The following FSTL5 variants were observed in gnomAD, a reference collection of about 807,000 sequenced individuals.
FSTL5 encodes follistatin like 5.
Under a neutral mutation model 89.1 loss-of-function variants are expected in FSTL5, and 62 were observed. That is an observed-to-expected ratio of 0.70 (90% confidence interval 0.57 to 0.86). FSTL5 has a LOEUF of 0.86. Among genes scored for constraint, FSTL5 ranks in the 40% least tolerant of loss-of-function variants. The pLI is 0.00. For missense variants in FSTL5, 1,057 were observed against 1,001.6 expected (o/e 1.06, Z -0.75); for synonymous variants, 383 against 346.2 (o/e 1.11, Z -1.18).
At position 162,066,358 on chromosome 4, in the gene FSTL5, T is replaced by C. The variant is rs1275431418; in HGVS notation, c.127-32700A>G. Among the ~76,000 whole-genome samples, 210 of 136,218 alleles carry C rather than the reference T, an allele frequency of 1.5e-3. 1 individual carries two copies. The highest frequency in any genetic ancestry group is 5.3e-3 in the African/African-American group (196 of 36,674). 89.4% of individuals were successfully genotyped at this position (136,218 alleles called of 152,430 possible). A position where few individuals can be genotyped will look rare whatever the true frequency, so the allele number is the denominator to read the frequency against. On this transcript the variant is annotated intron_variant, in intron 2 of 15. Coordinates refer to ENST00000306100, the MANE Select transcript of FSTL5 (RefSeq NM_020116.5). ...TTCTTCTTCTTCTTCTTCTTCTCCT[T>C]CTTCTTCTTCTTCTCCTTCTTCTTC... is the stretch of plus-strand genomic sequence containing the variant.
At chr4:161,907,883 C>T (rs186755202) in intron 4 of FSTL5, among the ~76,000 whole-genome samples, 4 of 152,174 alleles carry the variant, frequency 2.6e-5, no homozygotes, top group Non-Finnish European at 5.9e-5. Context: ...ACATTTGCTG[C>T]TATATATGGT....
intron 5 of FSTL5, among the ~76,000 whole-genome samples, chr4:161,770,097 G>A (rs1741156290): frequency 6.6e-6 from 1 of 151,982 alleles, no homozygotes; most frequent in African/African-American, 2.4e-5. Flanking sequence ...TATGTTACAT[G>A]AAATAAGCCA....
Position 161,482,273 on chromosome 4 carries a change from G to A in FSTL5, c.1459-1104C>T, listed in dbSNP as rs566583717. 1.4e-3 allele frequency among the ~76,000 whole-genome samples: 206 copies of A among 152,062 alleles called. 1 individual carries two copies. Among genetic ancestry groups the A allele is most frequent in the African/African-American group, 4.5e-3 (185 of 41,442 alleles). ...AGATCTTGCAGTGAGCCAAGATCGC[G>A]CCACTGCACTCCAGCCTGGGTGACA... On this transcript the variant is annotated intron_variant, in intron 12 of 15. Coordinates refer to ENST00000306100, the MANE Select transcript of FSTL5 (RefSeq NM_020116.5).
chr4:161,514,828 T>C (rs17041150), intron 10 of FSTL5, among the ~76,000 whole-genome samples: 26,869 of 152,016 alleles, frequency 0.18, 2,646 homozygotes, highest in East Asian at 0.37. Context: ...AGATCAATTA[T>C]TTAGCAAGCT....
chr4:162,032,780 A>AT (rs1462948547), intron 3 of FSTL5: 1 of 152,106 alleles, frequency 6.6e-6, no homozygotes, highest in African/African-American at 2.4e-5. Context: ...CTTCATATTT[A>AT]TTTTTTAATT....
chr4:161,514,626 A>G (rs1165136625), intron 10 of FSTL5, among the ~76,000 whole-genome samples: 1 of 152,200 alleles, frequency 6.6e-6, no homozygotes, highest in Non-Finnish European at 1.5e-5. Flanking sequence ...AATTTTTTAA[A>G]TAGATAAATA....
chr4:161,829,139 TTATATA>T (rs56839306), intron 4 of FSTL5, among the ~76,000 whole-genome samples: 86 of 139,926 alleles, frequency 6.1e-4, no homozygotes, highest in African/African-American at 2.1e-3. Context: ...CAGTCACATT[TTATATA>T]TATATATATA....
intron 15 of FSTL5, among the ~76,000 whole-genome samples, chr4:161,397,046 CTG>C (rs760652308): frequency 6.6e-6 from 1 of 152,052 alleles, no homozygotes; most frequent in African/African-American, 2.4e-5. Context: ...AGTGTAGAAA[CTG>C]TGCAGGTGAA....
chr4:161,783,661 TTC>T (rs1192454136), intron 4 of FSTL5, among the ~76,000 whole-genome samples: 2 of 68,152 alleles, frequency 2.9e-5, no homozygotes, highest in Non-Finnish European at 6.4e-5. Flanking sequence ...CTTTCTTTCT[TTC>T]TCTTTCTTTC....
chr4:162,035,784 T>A (rs907581180), intron 2 of FSTL5, among the ~76,000 whole-genome samples: 1 of 152,090 alleles, frequency 6.6e-6, no homozygotes, highest in African/African-American at 2.4e-5. Flanking sequence ...TTGCAGTAAT[T>A]CAGGTGGGCT....
intron 8 of FSTL5, among the ~76,000 whole-genome samples, chr4:161,581,163 T>C (rs1257258697): frequency 6.6e-6 from 1 of 152,210 alleles, no homozygotes; most frequent in African/African-American, 2.4e-5. Flanking sequence ...TTCTCAAAGC[T>C]TATCTCCAGA....
intron 4 of FSTL5, among the ~76,000 whole-genome samples, chr4:161,788,746 A>G (rs890028939): frequency 2.2e-4 from 34 of 152,216 alleles, no homozygotes; most frequent in African/African-American, 7.9e-4. Flanking sequence ...ATATTTTAAA[A>G]AATTAGCTGA....
chr4:161,522,142 T>C (rs551288429), intron 10 of FSTL5, among the ~76,000 whole-genome samples: 1 of 152,120 alleles, frequency 6.6e-6, no homozygotes, highest in Non-Finnish European at 1.5e-5. Flanking sequence ...CTTCCTTCCA[T>C]TGTCAACACT....
chr4:161,865,630 CT>C (rs1732060008), intron 4 of FSTL5, among the ~76,000 whole-genome samples: 1 of 152,068 alleles, frequency 6.6e-6, no homozygotes, highest in South Asian at 2.1e-4. Context: ...TCAAGATTTG[CT>C]TTCTTTACAG....
chr4:161,541,999 A>T (rs1731833657), intron 9 of FSTL5, among the ~76,000 whole-genome samples: 1 of 151,946 alleles, frequency 6.6e-6, no homozygotes, highest in Non-Finnish European at 1.5e-5. Context: ...ACATTAGAAG[A>T]TTAGAATATG....
chr4:161,631,005 T>A (rs1388630086), intron 7 of FSTL5, among the ~76,000 whole-genome samples: 1 of 152,208 alleles, frequency 6.6e-6, no homozygotes, highest in Non-Finnish European at 1.5e-5. Flanking sequence ...TGATAAATAA[T>A]CAAGCAAAAT....
At chr4:161,603,647 TA>T (rs1010688363) in intron 7 of FSTL5, among the ~76,000 whole-genome samples, 1 of 151,974 alleles carries the variant, frequency 6.6e-6, no homozygotes, top group African/African-American at 2.4e-5. Flanking sequence ...TTTGTTTTTT[TA>T]AAATATTTTT....
intron 7 of FSTL5, among the ~76,000 whole-genome samples, chr4:161,635,098 A>G (rs561500063): frequency 2.5e-4 from 38 of 152,260 alleles, no homozygotes; most frequent in African/African-American, 8.9e-4. Flanking sequence ...CCTAAAAATC[A>G]TATCTACTGG....
At chr4:161,828,587 AAT>A (rs1730740984) in intron 4 of FSTL5, among the ~76,000 whole-genome samples, 1 of 152,102 alleles carries the variant, frequency 6.6e-6, no homozygotes, top group South Asian at 2.1e-4. Flanking sequence ...ATTTTAGGAA[AAT>A]GTCATTGATG....
Sources: gnomAD v4.1 joint callset for allele counts (sites outside exome capture counted in the v4.1 genomes callset) on GRCh38, gnomAD v4.1.1 for gene constraint, MANE v1.5 for transcripts, NCBI Gene and HGNC (gene_info 2026-07-23, HGNC 2026-07-21) for gene names.